Variants in SBF2 observed in about 807,000 individuals in gnomAD.
SBF2 encodes the protein SET binding factor 2, also known as myotubularin-related protein 13.
Under a neutral mutation model 225.2 loss-of-function variants are expected in SBF2, and 112 were observed. The observed-to-expected ratio is 0.50, with a 90% CI of 0.43 to 0.58. The LOEUF is 0.58. Ranked by LOEUF, SBF2 falls within the 20% of genes least tolerant of loss-of-function variation. The pLI is 0.00. For synonymous variants in SBF2, 763 were observed against 773.3 expected (o/e 0.99, Z 0.22); for missense variants, 1,996 against 2,206.2 (o/e 0.90, Z 1.91).
In SBF2 at chr11:10,301,586, G is replaced by A. The variant is rs568166114; in HGVS notation, n.386+2906C>T. Among the ~76,000 whole-genome samples, 22 of 152,172 alleles carry A rather than the reference G, an allele frequency of 1.4e-4. No homozygotes were observed. The East Asian group carries it at 4.0e-3, about 28-fold the overall frequency. ...CCTGTTTGATAAAGGAGGCATCTGA[G>A]ATAATTATGCAATGCACTTAGCTAC... On this transcript the variant is annotated intron_variant and non_coding_transcript_variant, in intron 1 of 5. Coordinates refer to the SBF2 transcript ENST00000685217.
rs191209719 is a variant in SBF2, at chr11:10,001,534, T to C, written c.753-512A>G. 1.3e-3 allele frequency among the ~76,000 whole-genome samples: 191 copies of C among 152,172 alleles called. 2 individuals carry two copies. Among genetic ancestry groups the C allele is most frequent in the Non-Finnish European group, 1.5e-4 (10 of 67,988 alleles). On this transcript the variant is annotated intron_variant, in intron 7 of 39. Coordinates refer to ENST00000256190, the MANE Select transcript of SBF2 (RefSeq NM_030962.4). ...GCACCTAAATTAAAAATAAATTTTT[T>C]TTTTTTTTGAGATGGAGTCTCACGC...
At position 9,795,818 on chromosome 11, in the gene SBF2, T is replaced by A. The variant is rs945495130; in HGVS notation, c.4570+13A>T. On this transcript the variant is annotated intron_variant, in intron 33 of 39. Transcript: ENST00000256190. ...TAACAAAAAAGATGAAACAAGGGCA[T>A]ACAGACACATACCGTGCTCTAATCT... 9.9e-6 allele frequency: 16 copies of A among 1,612,994 alleles called. No homozygotes were observed. Among genetic ancestry groups the A allele is most frequent in the Non-Finnish European group, 1.3e-5 (15 of 1,179,528 alleles).
intron 28 of SBF2, among the ~76,000 whole-genome samples, chr11:9,821,996 C>T (rs993247957): frequency 2.0e-5 from 3 of 152,114 alleles, no homozygotes; most frequent in African/African-American, 7.2e-5. Context: ...GACTTTCTTC[C>T]CATTTCAGCA....
chr11:9,948,902 C>G (rs561311475), intron 16 of SBF2, among the ~76,000 whole-genome samples: 1 of 152,124 alleles, frequency 6.6e-6, no homozygotes, highest in East Asian at 1.9e-4. Flanking sequence ...TACTTATTTG[C>G]TTTGTCTTCT....
intron 16 of SBF2, among the ~76,000 whole-genome samples, chr11:9,946,062 C>A (rs1475678750): frequency 2.6e-5 from 4 of 152,206 alleles, no homozygotes; most frequent in Admixed American, 1.3e-4. Flanking sequence ...CACCATTCAA[C>A]CCAGCAATTC....
chr11:10,115,528 T>C (rs1440186292), intron 2 of SBF2, among the ~76,000 whole-genome samples: 1 of 152,162 alleles, frequency 6.6e-6, no homozygotes, highest in African/African-American at 2.4e-5. Flanking sequence ...ACATTCCCAT[T>C]TACTGTTCAT....
chr11:10,213,075 C>T (rs1957997762), intron 1 of SBF2, among the ~76,000 whole-genome samples: 1 of 152,038 alleles, frequency 6.6e-6, no homozygotes, highest in Non-Finnish European at 1.5e-5. Flanking sequence ...CTGTTACTTG[C>T]CTCTGCCATT....
intron 2 of SBF2, among the ~76,000 whole-genome samples, chr11:10,132,700 G>C (rs770517755): frequency 6.7e-6 from 1 of 148,634 alleles, no homozygotes; most frequent in Non-Finnish European, 1.5e-5. Context: ...AAAGAACAAA[G>C]CTTCCACAGT....
At chr11:9,976,140 C>A (rs1013367114) in intron 13 of SBF2, among the ~76,000 whole-genome samples, 7 of 139,802 alleles carry the variant, frequency 5.0e-5, no homozygotes, top group African/African-American at 1.9e-4. Flanking sequence ...ATGACGTGAT[C>A]TCGGCTCACT....
intron 28 of SBF2, among the ~76,000 whole-genome samples, chr11:9,822,056 C>A (rs1242848772): frequency 2.6e-5 from 4 of 152,052 alleles, no homozygotes; most frequent in Admixed American, 2.6e-4. Context: ...ATAATGACAA[C>A]TAACATCTAT....
At chr11:10,284,623 A>ATTACCCAGGCTGGAGTTTGTTCCG (rs370199442) in intron 1 of SBF2, among the ~76,000 whole-genome samples, 10 of 152,168 alleles carry the variant, frequency 6.6e-5, no homozygotes, top group African/African-American at 2.4e-4. Flanking sequence ...ATCTTGTTCC[A>ATTACCCAGGCTGGAGTTTGTTCCG]TTACCCAGGC....
intron 2 of SBF2, among the ~76,000 whole-genome samples, chr11:10,074,754 A>G (rs1383452116): frequency 6.6e-6 from 1 of 152,192 alleles, no homozygotes; most frequent in Admixed American, 6.5e-5. Flanking sequence ...TGGTTTTTAC[A>G]TCAGACACAC....
upstream of SBF2, among the ~76,000 whole-genome samples, chr11:10,298,024 G>A (rs1964563946): frequency 2.0e-5 from 3 of 152,256 alleles, no homozygotes; most frequent in African/African-American, 7.2e-5. Context: ...AGGCTGATGG[G>A]AGCAGGAAGG....
intron 2 of SBF2, among the ~76,000 whole-genome samples, chr11:10,137,914 C>T (rs575570239): frequency 7.2e-5 from 11 of 152,108 alleles, no homozygotes; most frequent in East Asian, 1.9e-4. Context: ...GCAGGAGAAT[C>T]GCTTGAACCC....
In SBF2 at chr11:9,829,505, G is replaced by T; in HGVS notation, c.3653-9C>A. On this transcript the variant is annotated splice_polypyrimidine_tract_variant and intron_variant, in intron 27 of 39. Coordinates refer to ENST00000256190, the MANE Select transcript of SBF2 (RefSeq NM_030962.4). ...TAAAGAGGAGGTAGGAGCTATAAAA[G>T]GAAAATATATTGAATAAAATAAACT... 1 of 1,593,868 alleles carries T rather than the reference G, an allele frequency of 6.3e-7. No homozygotes were observed. Among genetic ancestry groups the T allele is most frequent in the Non-Finnish European group, 8.6e-7 (1 of 1,161,794 alleles).
At chr11:10,059,053 A>G (rs1950345205) in intron 2 of SBF2, among the ~76,000 whole-genome samples, 1 of 152,204 alleles carries the variant, frequency 6.6e-6, no homozygotes, top group Non-Finnish European at 1.5e-5. Flanking sequence ...TAATACAAAA[A>G]CACACTTAAA....
At chr11:9,931,097 CA>C (rs565226284) in intron 16 of SBF2, among the ~76,000 whole-genome samples, 16 of 152,394 alleles carry the variant, frequency 1.0e-4, no homozygotes, top group African/African-American at 3.8e-4. Context: ...ACAAAGAAAC[CA>C]GGAAGCTCGA....
chr11:10,280,664 CCTA>C (rs1963345261), intron 1 of SBF2, among the ~76,000 whole-genome samples: 1 of 152,162 alleles, frequency 6.6e-6, no homozygotes, highest in Admixed American at 6.5e-5. Context: ...TATTCTTTAT[CCTA>C]CTAAAATTCT....
intron 16 of SBF2, among the ~76,000 whole-genome samples, chr11:9,946,600 G>A (rs61876973): frequency 0.11 from 16,983 of 151,728 alleles, 1,077 homozygotes; most frequent in Non-Finnish European, 0.13. Flanking sequence ...ACAGGCATGC[G>A]CCACCATGCC....
Sources: gnomAD v4.1 joint callset for allele counts (sites outside exome capture counted in the v4.1 genomes callset) on GRCh38, gnomAD v4.1.1 for gene constraint, MANE v1.5 for transcripts, NCBI Gene and HGNC (gene_info 2026-07-23, HGNC 2026-07-21) for gene names.